CDH18: variants seen among roughly 807,000 people sequenced by gnomAD.
CDH18 encodes the protein cadherin 18.
CDH18 carries 31 observed loss-of-function variants against 67.9 expected under a neutral mutation model. The ratio of observed to expected loss-of-function variants is 0.46; its 90% CI spans 0.34 to 0.62. The LOEUF is 0.62. Among genes scored for constraint, CDH18 ranks in the 20% least tolerant of loss-of-function variants. The pLI, the probability that CDH18 is intolerant of heterozygous loss-of-function variation, is 0.01. For missense variants in CDH18, 890 were observed against 975.5 expected, an observed-to-expected ratio of 0.91 and a Z score of 1.17; for synonymous variants, 362 against 347.2, an observed-to-expected ratio of 1.04 and a Z score of -0.48.
In CDH18 at chr5:20,503,929, T is replaced by A. The variant is rs147395689; in HGVS notation, c.-580+71533A>T. On this transcript the variant is annotated intron_variant, in intron 1 of 14. Coordinates refer to the CDH18 transcript ENST00000507958. The stretch of plus-strand genomic sequence containing the variant: ...GGCAGGCGCCTGTAGTCCCAGCTAC[T>A]CAGGAGGCTAAGGCAGGAGAATCGC... 5.9e-4 allele frequency among the ~76,000 whole-genome samples: 89 copies of A among 151,768 alleles called. 1 individual carries two copies. The East Asian group carries it at 0.017, about 29-fold the overall frequency.
At chr5:20,061,051 C>A (rs915047132) in intron 2 of CDH18, among the ~76,000 whole-genome samples, 1 of 151,728 alleles carries the variant, frequency 6.6e-6, no homozygotes, top group African/African-American at 2.4e-5. Flanking sequence ...GCAAATAATT[C>A]TGAGAAATAT....
intron 1 of CDH18, among the ~76,000 whole-genome samples, chr5:20,557,925 AT>A (rs1436132229): frequency 2.8e-5 from 2 of 71,530 alleles, no homozygotes; most frequent in Admixed American, 1.7e-4. Context: ...GTTATATAAC[AT>A]TTAATGTTAT....
At chr5:20,563,420 C>T (rs1758329444) in intron 1 of CDH18, among the ~76,000 whole-genome samples, 1 of 152,010 alleles carries the variant, frequency 6.6e-6, no homozygotes, top group South Asian at 2.1e-4. Context: ...TTTGGCATAG[C>T]CAGGTCTAGA....
chr5:20,501,583 A>AT (rs1754310798), intron 1 of CDH18, among the ~76,000 whole-genome samples: 2 of 21,774 alleles, frequency 9.2e-5, no homozygotes, highest in African/African-American at 2.8e-4. Flanking sequence ...TATATATATT[A>AT]TATATATATA....
chr5:20,205,439 C>A (rs199849262), intron 2 of CDH18, among the ~76,000 whole-genome samples: 1 of 151,878 alleles, frequency 6.6e-6, no homozygotes, highest in Admixed American at 6.6e-5. Flanking sequence ...TAGTAAGGGA[C>A]TTCAACACCC....
At chr5:20,352,800 T>A (rs1741313829) in intron 1 of CDH18, among the ~76,000 whole-genome samples, 1 of 150,502 alleles carries the variant, frequency 6.6e-6, no homozygotes, top group Admixed American at 6.6e-5. Context: ...CTCAAAAAAA[T>A]AAAAATAAAA....
At chr5:19,787,278 C>T (rs1775901362) in intron 3 of CDH18, among the ~76,000 whole-genome samples, 1 of 151,692 alleles carries the variant, frequency 6.6e-6, no homozygotes, top group Non-Finnish European at 1.5e-5. Context: ...CAAAGTGAAA[C>T]CCTGTCTCTA....
At chr5:19,849,687 TATATATATACACGC>T (rs1783453873) in intron 2 of CDH18, among the ~76,000 whole-genome samples, 5 of 83,944 alleles carry the variant, frequency 6.0e-5, no homozygotes, top group Non-Finnish European at 7.7e-5. Context: ...TATATAAACA[TATATATATACACGC>T]ATATATATAT....
At chr5:19,724,512 TACACACACACACACACACACAC>T (rs34923644) in intron 4 of CDH18, among the ~76,000 whole-genome samples, 1 of 148,784 alleles carries the variant, frequency 6.7e-6, no homozygotes, top group Non-Finnish European at 1.5e-5. Context: ...CACACAGACA[TACACACACACACACACACACAC>T]ACACACAAAT....
intron 5 of CDH18, among the ~76,000 whole-genome samples, chr5:19,647,758 G>T (rs770562939): frequency 6.6e-6 from 1 of 151,812 alleles, no homozygotes; most frequent in Non-Finnish European, 1.5e-5. Context: ...CTCACCCTGC[G>T]TTTGTATTCT....
chr5:19,729,283 A>G (rs970033642), intron 4 of CDH18, among the ~76,000 whole-genome samples: 4 of 152,244 alleles, frequency 2.6e-5, no homozygotes. Flanking sequence ...TGAATTTAAT[A>G]AAATAATTAA....
intron 3 of CDH18, among the ~76,000 whole-genome samples, chr5:19,807,136 G>A (rs572745824): frequency 6.6e-6 from 1 of 152,124 alleles, no homozygotes; most frequent in South Asian, 2.1e-4. Context: ...ACACATGGAT[G>A]CAGGGAGGGG....
chr5:20,304,269 C>T lies in CDH18; in HGVS notation c.-579-48764G>A. 18 of 1,603,618 alleles carry T rather than the reference C, an allele frequency of 1.1e-5. No homozygotes were observed. The South Asian group carries it at 1.9e-4, about 17-fold the overall frequency. Reference sequence around the variant, plus strand: ...TTGCCTAAATTGGTGTCTGCCCGCACCAAAAGCTGTGTCTTCTGATTTGCT... The same window carrying T: ...TTGCCTAAATTGGTGTCTGCCCGCATCAAAAGCTGTGTCTTCTGATTTGCT... On this transcript the variant is annotated intron_variant, in intron 1 of 14. Transcript: ENST00000507958.
At chr5:19,903,345 A>G (rs1240346905) in intron 2 of CDH18, among the ~76,000 whole-genome samples, 1 of 151,726 alleles carries the variant, frequency 6.6e-6, no homozygotes, top group East Asian at 1.9e-4. Flanking sequence ...AATTTTTTGT[A>G]GGTTATTAAC....
At chr5:19,614,009 G>C (rs1361916095) in intron 5 of CDH18, among the ~76,000 whole-genome samples, 1 of 151,982 alleles carries the variant, frequency 6.6e-6, no homozygotes, top group Non-Finnish European at 1.5e-5. Flanking sequence ...ACTCGCACTT[G>C]ATTAGTTACA....
At chr5:19,831,606 A>G (rs1781038836) in intron 3 of CDH18, among the ~76,000 whole-genome samples, 1 of 152,028 alleles carries the variant, frequency 6.6e-6, no homozygotes, top group South Asian at 2.1e-4. Context: ...AAAATAATAG[A>G]TGCTAGCAGG....
At position 19,477,745 on chromosome 5, in the gene CDH18, G is replaced by C. The variant is rs537687356; in HGVS notation, c.1883-4029C>G. Among the ~76,000 whole-genome samples the C allele has an allele frequency of 2.0e-5, 3 of 152,118 alleles. No homozygotes were observed. The South Asian group carries it at 6.2e-4, about 32-fold the overall frequency. On this transcript the variant is annotated intron_variant, in intron 12 of 12. Transcript: ENST00000382275. The stretch of plus-strand genomic sequence containing the variant: ...CCTATCAAAGCATACACATTGGCAA[G>C]GTACCTCTTCTTACAGTGAGTCATC...
At chr5:20,146,756 A>AT in intron 2 of CDH18, among the ~76,000 whole-genome samples, 1 of 152,218 alleles carries the variant, frequency 6.6e-6, no homozygotes, top group South Asian at 2.1e-4. Context: ...TTAAACATGT[A>AT]TTAACTGACA....
intron 1 of CDH18, among the ~76,000 whole-genome samples, chr5:20,451,523 A>G (rs1486129026): frequency 6.6e-6 from 1 of 152,146 alleles, no homozygotes; most frequent in East Asian, 1.9e-4. Flanking sequence ...GGAGAAAAAT[A>G]TTTTAGAAAA....
Sources: allele counts gnomAD v4.1 joint callset (sites outside exome capture counted in the v4.1 genomes callset), GRCh38; gene constraint gnomAD v4.1.1; transcripts MANE v1.5; gene names NCBI Gene and HGNC (gene_info 2026-07-23, HGNC 2026-07-21).